The following SYT16 variants were observed in gnomAD, a reference collection of about 807,000 sequenced individuals.
SYT16 encodes the protein synaptotagmin 16, also known as synaptotagmin-16.
Under a neutral mutation model 61.4 loss-of-function variants are expected in SYT16, and 42 were observed. That is an observed-to-expected ratio of 0.68 (90% CI 0.53 to 0.89). The LOEUF (loss-of-function observed/expected upper bound fraction) is 0.89. Ranked by LOEUF, SYT16 falls within the 40% of genes least tolerant of loss-of-function variation. SYT16 has a pLI of 0.00. For missense variants in SYT16, 804 were observed against 807.3 expected, an observed-to-expected ratio of 1.00 and a Z score of 0.05; for synonymous variants, 314 against 302.3, an observed-to-expected ratio of 1.04 and a Z score of -0.40.
rs1254076285 is a variant in SYT16, at chr14:62,086,977, G to A, written c.1624+2592G>A. 4.6e-5 allele frequency among the ~76,000 whole-genome samples: 7 copies of A among 152,328 alleles called. No homozygotes were observed. The South Asian group carries it at 6.2e-4, about 14-fold the overall frequency. ...ACTTGAGGAAAAGCCAGTTTAATTA[G>A]GAAGGGATGAGAAAGTAGAAGGTTC... On this transcript the variant is annotated intron_variant, in intron 7 of 7. Transcript: ENST00000683842.
At chr14:62,009,698 A>T (rs1473873948) in intron 3 of SYT16, among the ~76,000 whole-genome samples, 1 of 152,140 alleles carries the variant, frequency 6.6e-6, no homozygotes, top group Non-Finnish European at 1.5e-5. Flanking sequence ...TGTTTTACTC[A>T]CTGTTCCTAT....
chr14:61,813,094 C>T (rs1033248339), intron 1 of SYT16, among the ~76,000 whole-genome samples: 3 of 152,386 alleles, frequency 2.0e-5, no homozygotes, highest in African/African-American at 7.2e-5. Context: ...TTCGCGGGCA[C>T]TGCCCCCAGG....
chr14:61,857,625 G>A (rs543567312), intron 1 of SYT16, among the ~76,000 whole-genome samples: 93 of 152,246 alleles, frequency 6.1e-4, no homozygotes, highest in Middle Eastern at 3.4e-3. Flanking sequence ...GAGGCTGGAG[G>A]GGAAGTGGGA....
intron 3 of SYT16, among the ~76,000 whole-genome samples, chr14:62,041,716 A>G (rs1451465921): frequency 6.6e-6 from 1 of 151,974 alleles, no homozygotes; most frequent in African/African-American, 2.4e-5. Flanking sequence ...CATATGGGCC[A>G]TTATTTTTTA....
intron 1 of SYT16, among the ~76,000 whole-genome samples, chr14:61,902,338 G>A (rs183382120): frequency 4.6e-5 from 7 of 152,226 alleles, no homozygotes; most frequent in South Asian, 2.1e-4. Flanking sequence ...TCTCCCATGC[G>A]CCTGATAAAA....
chr14:61,823,153 C>T (rs974102053), intron 1 of SYT16, among the ~76,000 whole-genome samples: 23 of 151,928 alleles, frequency 1.5e-4, no homozygotes, highest in African/African-American at 5.1e-4. Context: ...CCACCATGCC[C>T]GGCTAATTTT....
chr14:61,870,260 A>G (rs1413088925), intron 1 of SYT16, among the ~76,000 whole-genome samples: 2 of 152,120 alleles, frequency 1.3e-5, no homozygotes, highest in Admixed American at 6.5e-5. Context: ...TTTGCCAGCT[A>G]TTTTGTTCAT....
chr14:61,953,001 G>A (rs1446711201), intron 1 of SYT16, among the ~76,000 whole-genome samples: 1 of 152,158 alleles, frequency 6.6e-6, no homozygotes, highest in Non-Finnish European at 1.5e-5. Context: ...AGCTCTGGAT[G>A]TAGGACATTG....
At chr14:62,010,163 C>T (rs2053387543) in intron 3 of SYT16, among the ~76,000 whole-genome samples, 2 of 152,148 alleles carry the variant, frequency 1.3e-5, no homozygotes, top group Admixed American at 1.3e-4. Flanking sequence ...TTAGATTCTG[C>T]AGGTAAACTG....
At chr14:62,002,628 G>A (rs1211339946) in intron 3 of SYT16, among the ~76,000 whole-genome samples, 1 of 151,984 alleles carries the variant, frequency 6.6e-6, no homozygotes, top group Non-Finnish European at 1.5e-5. Flanking sequence ...CCGGAGACAG[G>A]GGAATCTGCA....
At chr14:62,061,084 A>C (rs1168191188) in intron 3 of SYT16, among the ~76,000 whole-genome samples, 1 of 152,088 alleles carries the variant, frequency 6.6e-6, no homozygotes, top group East Asian at 1.9e-4. Flanking sequence ...GGGGAGGTAA[A>C]TTATTTATGC....
intron 1 of SYT16, among the ~76,000 whole-genome samples, chr14:61,937,056 A>G (rs575390070): frequency 6.6e-6 from 1 of 152,376 alleles, no homozygotes; most frequent in East Asian, 1.9e-4. Flanking sequence ...AGACTGTGCC[A>G]GGAACGGTGC....
At chr14:61,989,431 C>T (rs996276254) in intron 2 of SYT16, among the ~76,000 whole-genome samples, 1 of 152,072 alleles carries the variant, frequency 6.6e-6, no homozygotes, top group Admixed American at 6.5e-5. Context: ...GGCCTGATGG[C>T]AGAAGCCTGT....
At chr14:61,965,290 T>C (rs1020326248) in intron 1 of SYT16, among the ~76,000 whole-genome samples, 2 of 152,200 alleles carry the variant, frequency 1.3e-5, no homozygotes, top group Non-Finnish European at 1.5e-5. Flanking sequence ...AGAAAGCATG[T>C]AATCAAATCT....
intron 1 of SYT16, among the ~76,000 whole-genome samples, chr14:61,857,246 TGG>T (rs2046804311): frequency 6.6e-6 from 1 of 152,156 alleles, no homozygotes; most frequent in South Asian, 2.1e-4. Flanking sequence ...TGGTCCCCCT[TGG>T]TTGAGGGTTT....
rs114958549 is a variant in SYT16, at chr14:62,100,919, G to A, written c.*212G>A. 596 of 530,926 alleles carry A rather than the reference G, an allele frequency of 1.1e-3. 9 individuals are homozygous for A. Among genetic ancestry groups the A allele is most frequent in the African/African-American group, 9.5e-3 (500 of 52,678 alleles). 32.9% of individuals were successfully genotyped at this position (530,926 alleles called of 1,614,324 possible). A position where few individuals can be genotyped will look rare whatever the true frequency, so the allele number is the denominator to read the frequency against. ...AACACACATACACAGTGAAGTGTCC[G>A]TATGGAAAATATTATACCACAATTA... On this transcript the variant is annotated 3_prime_UTR_variant, in exon 8 of 8. Coordinates refer to ENST00000683842, the MANE Select transcript of SYT16 (RefSeq NM_001367656.1).
chr14:61,947,554 T>C (rs117331281), intron 1 of SYT16, among the ~76,000 whole-genome samples: 1,765 of 152,262 alleles, frequency 0.012, 21 homozygotes, highest in Non-Finnish European at 0.02. Flanking sequence ...TCCATACTCT[T>C]ATTCAGTGAC....
At chr14:62,098,712 A>G (rs2057341969) in intron 7 of SYT16, among the ~76,000 whole-genome samples, 1 of 152,182 alleles carries the variant, frequency 6.6e-6, no homozygotes, top group Middle Eastern at 3.2e-3. Flanking sequence ...TCAATGGTTA[A>G]TAAGGAAATC....
chr14:61,864,620 C>G (rs913176795), intron 1 of SYT16, among the ~76,000 whole-genome samples: 1 of 152,262 alleles, frequency 6.6e-6, no homozygotes, highest in Non-Finnish European at 1.5e-5. Flanking sequence ...CCTCGCTGCG[C>G]GGCCTCAATT....
Sources: gnomAD v4.1 joint callset for allele counts (sites outside exome capture counted in the v4.1 genomes callset) on GRCh38, gnomAD v4.1.1 for gene constraint, MANE v1.5 for transcripts, NCBI Gene and HGNC (gene_info 2026-07-23, HGNC 2026-07-21) for gene names.